CCDC186: variants seen among roughly 807,000 people sequenced by gnomAD.
CCDC186 encodes the protein coiled-coil domain containing 186.
CCDC186 carries 49 observed loss-of-function variants against 113.7 expected under a neutral mutation model. The ratio of observed to expected loss-of-function variants is 0.43; its 90% CI spans 0.34 to 0.55. The LOEUF is 0.55. Ranked by LOEUF, CCDC186 falls within the 20% of genes least tolerant of loss-of-function variation. The pLI is 0.02. For synonymous variants in CCDC186, 355 were observed against 345.8 expected (o/e 1.03, Z -0.30); for missense variants, 890 against 1,011.1 (o/e 0.88, Z 1.62).
At chr10:114,148,680 G>C (rs1432643469) in intron 4 of CCDC186, among the ~76,000 whole-genome samples, 1 of 152,184 alleles carries the variant, frequency 6.6e-6, no homozygotes, top group Non-Finnish European at 1.5e-5. Flanking sequence ...CTAAGACAAA[G>C]TAGAAATCCA....
Position 114,151,225 on chromosome 10 carries a change from A to G in CCDC186, c.760-5T>C. 1 of 1,516,636 alleles carries G rather than the reference A, an allele frequency of 6.6e-7. No individual in the cohort carries two copies. The highest frequency in any genetic ancestry group is 9.1e-7 in the Non-Finnish European group (1 of 1,100,066). The allele number at this position is 1,516,636 out of a possible 1,614,324, so 93.9% of individuals were successfully genotyped here. A position where few individuals can be genotyped will look rare whatever the true frequency, so the allele number is the denominator to read the frequency against. On this transcript the variant is annotated splice_polypyrimidine_tract_variant and splice_region_variant and intron_variant, in intron 3 of 15. Transcript: ENST00000369287. Reference sequence around the variant, plus strand: ...TTCTTCTATTCTTGATTCTAACTGTAAAGAAAATTATTTCCAAATTATTTT... The same window carrying G: ...TTCTTCTATTCTTGATTCTAACTGTGAAGAAAATTATTTCCAAATTATTTT...
chr10:114,144,665 AT>A (rs745556684), intron 5 of CCDC186, 49 bp from the exon 6 acceptor site: 69 of 1,492,324 alleles, frequency 4.6e-5, no homozygotes, highest in Admixed American at 1.1e-4. Context: ...GAATCAATTA[AT>A]TATATCTTTT....
chr10:114,142,920 C>G (rs559345380), intron 6 of CCDC186, among the ~76,000 whole-genome samples: 23 of 152,200 alleles, frequency 1.5e-4, no homozygotes, highest in African/African-American at 5.3e-4. Context: ...GGACTCCTTC[C>G]AACATCCAAT....
At chr10:114,149,243 G>C (rs1347703171) in intron 4 of CCDC186, among the ~76,000 whole-genome samples, 1 of 151,894 alleles carries the variant, frequency 6.6e-6, no homozygotes, top group Non-Finnish European at 1.5e-5. Flanking sequence ...ACTATTATTA[G>C]CATCATCTAC....
At chr10:114,170,465 T>C (rs2032459365) in intron 1 of CCDC186, among the ~76,000 whole-genome samples, 1 of 152,082 alleles carries the variant, frequency 6.6e-6, no homozygotes, top group Non-Finnish European at 1.5e-5. Flanking sequence ...GGACTACAGG[T>C]ACATGCCGCC....
chr10:114,136,300 G>T, intron 7 of CCDC186, 54 bp from the exon 8 acceptor site: 2 of 1,298,670 alleles, frequency 1.5e-6, no homozygotes, highest in Non-Finnish European at 1.1e-6. Context: ...TTTCCCGTTT[G>T]CCCTGAGAAT....
At position 114,135,023 on chromosome 10, in the gene CCDC186, T is replaced by C. The variant is rs112902585; in HGVS notation, c.1545A>G (p.Thr515=). The change falls in exon 10 of 16, where the codon ACA becomes ACG. Residue 515 remains threonine, a synonymous_variant. Coordinates refer to ENST00000369287, the MANE Select transcript of CCDC186 (RefSeq NM_018017.4). The part of the protein sequence containing the change: ...VKCLEDERLR[T]EDELSKYKEI... ...CCTTATATTTTGATAATTCATCTTC[T>C]GTTCTTAATCGTTCATCTTCTAGAC... 10 of 1,610,074 alleles carry C rather than the reference T, an allele frequency of 6.2e-6. No individual in the cohort carries two copies. Among genetic ancestry groups the C allele is most frequent in the South Asian group, 3.3e-5 (3 of 90,012 alleles).
In CCDC186 at chr10:114,158,166, A is replaced by T. The variant is rs571136459; in HGVS notation, c.633-486T>A. On this transcript the variant is annotated intron_variant, in intron 2 of 15. Coordinates refer to ENST00000369287, the MANE Select transcript of CCDC186 (RefSeq NM_018017.4). The stretch of plus-strand genomic sequence containing the variant: ...TACAATGCACAAGACAACTCCAACA[A>T]CAACAAAGAATCTGGCCCCAAGTGG... 2.9e-4 allele frequency among the ~76,000 whole-genome samples: 44 copies of T among 152,346 alleles called. No homozygotes were observed. The South Asian group carries it at 5.4e-3, about 19-fold the overall frequency.
At chr10:114,135,343 G>T (rs2031224059) in intron 9 of CCDC186, among the ~76,000 whole-genome samples, 1 of 152,128 alleles carries the variant, frequency 6.6e-6, no homozygotes, top group Non-Finnish European at 1.5e-5. Context: ...ATAAGAAGGT[G>T]TATGAAAAAC....
intron 6 of CCDC186, among the ~76,000 whole-genome samples, chr10:114,141,313 C>T (rs1426959067): frequency 1.3e-5 from 2 of 152,078 alleles, no homozygotes; most frequent in Non-Finnish European, 2.9e-5. Context: ...CTTTTAGGTG[C>T]CAGAGTTCTT....
At chr10:114,137,313 C>T in intron 6 of CCDC186, 23 bp from the exon 7 acceptor site, 1 of 1,575,330 alleles carries the variant, frequency 6.3e-7, no homozygotes, top group Middle Eastern at 1.7e-4. Context: ...AAGACAGAGA[C>T]ACAGTTGGGT....
chr10:114,129,116 A>C (rs1204704825), intron 13 of CCDC186, among the ~76,000 whole-genome samples: 2 of 152,182 alleles, frequency 1.3e-5, no homozygotes, highest in Non-Finnish European at 2.9e-5. Context: ...CAGCCTGGGC[A>C]ACATAGTGAG....
At chr10:114,154,012 C>T (rs374965934) in intron 3 of CCDC186, among the ~76,000 whole-genome samples, 10 of 151,518 alleles carry the variant, frequency 6.6e-5, no homozygotes, top group South Asian at 4.2e-4. Flanking sequence ...AAGTTCGAGA[C>T]GAGCCTGGGA....
chr10:114,125,079 A>C lies in CCDC186; in HGVS notation c.*64T>G. On this transcript the variant is annotated 3_prime_UTR_variant, in exon 16 of 16. Coordinates refer to ENST00000369287, the MANE Select transcript of CCDC186 (RefSeq NM_018017.4). ...CAAAAAGTGGAACAAAGTCTCCAAC[A>C]ATAGAGGTCAGTGGCACCTACTCCT... 1 of 1,181,526 alleles carries C rather than the reference A, an allele frequency of 8.5e-7. No individual in the cohort carries two copies. Among genetic ancestry groups the C allele is most frequent in the Non-Finnish European group, 1.2e-6 (1 of 825,542 alleles). The allele number at this position is 1,181,526 out of a possible 1,614,324, so 73.2% of individuals were successfully genotyped here.
At chr10:114,154,895 A>G (rs2031965519) in intron 3 of CCDC186, among the ~76,000 whole-genome samples, 1 of 152,250 alleles carries the variant, frequency 6.6e-6, no homozygotes. Context: ...CTACTATTCA[A>G]TCATTAAAAA....
At position 114,129,919 on chromosome 10, in the gene CCDC186, G is replaced by T. The variant is rs1351020547; in HGVS notation, c.2154C>A (p.Ser718Arg). Residue 718 changes from serine (S) to arginine (R), a missense_variant, in exon 13 of 16, where the codon AGC (serine) becomes AGA (arginine). Physicochemically the swap from Ser to Arg is moderately radical, Grantham distance 110. Coordinates refer to ENST00000369287, the MANE Select transcript of CCDC186 (RefSeq NM_018017.4). ...ATGAACTAGAACGACTTCCCATGCT[G>T]CTGACTTCTTTGTCATAGCTTCCAC... ...VESGSYDKEV[S>R]SMGSRSSSSG... 1.2e-6 allele frequency: 2 copies of T among 1,613,522 alleles called. No individual in the cohort carries two copies. The highest frequency in any genetic ancestry group is 4.5e-5 in the East Asian group (2 of 44,842).
chr10:114,150,831 A>G (rs1190872736), intron 4 of CCDC186, among the ~76,000 whole-genome samples: 1 of 152,102 alleles, frequency 6.6e-6, no homozygotes, highest in Non-Finnish European at 1.5e-5. Context: ...TCGTATTTTT[A>G]GTAGAGATGG....
chr10:114,171,618 T>G (rs1433538318), intron 1 of CCDC186, among the ~76,000 whole-genome samples: 2 of 152,202 alleles, frequency 1.3e-5, no homozygotes, highest in African/African-American at 4.8e-5. Flanking sequence ...AAGCCTGCAT[T>G]ACATTAAAAA....
chr10:114,148,331 A>AT (rs1250673569), intron 4 of CCDC186, among the ~76,000 whole-genome samples: 1 of 152,164 alleles, frequency 6.6e-6, no homozygotes. Context: ...TGGGAGTATT[A>AT]AACAAGACAA....
Sources: gnomAD v4.1 joint callset for allele counts (sites outside exome capture counted in the v4.1 genomes callset) on GRCh38, gnomAD v4.1.1 for gene constraint, MANE v1.5 for transcripts, NCBI Gene and HGNC (gene_info 2026-07-23, HGNC 2026-07-21) for gene names.